LOXHD1: variants seen among roughly 807,000 people sequenced by gnomAD.
LOXHD1 encodes the protein lipoxygenase homology PLAT domains 1.
In LOXHD1, 205 loss-of-function variants were observed where a neutral mutation model predicts 248.2. That is an observed-to-expected ratio of 0.83 (90% CI 0.74 to 0.93). The LOEUF is 0.93. LOXHD1 is among the 40% of genes least tolerant of loss of function. The pLI, the probability that LOXHD1 is intolerant of heterozygous loss-of-function variation, is 0.00. For synonymous variants in LOXHD1, 1,113 were observed against 1,162.8 expected (o/e 0.96, Z 0.87); for missense variants, 2,930 against 2,971.6 (o/e 0.99, Z 0.33).
intron 12 of LOXHD1, among the ~76,000 whole-genome samples, chr18:46,585,620 C>A (rs976697736): frequency 6.6e-6 from 1 of 152,162 alleles, no homozygotes; most frequent in Non-Finnish European, 1.5e-5. Context: ...ACTCCCCAAA[C>A]TGGTCTATAG....
At chr18:46,541,278 G>C (rs1233303198) in intron 25 of LOXHD1, among the ~76,000 whole-genome samples, 1 of 152,124 alleles carries the variant, frequency 6.6e-6, no homozygotes, top group Non-Finnish European at 1.5e-5. Flanking sequence ...GGTCCAGGCT[G>C]TGTTTCCCTT....
At chr18:46,562,990 A>G in intron 18 of LOXHD1, 75 bp downstream of exon 18, 1 of 1,475,300 alleles carries the variant, frequency 6.8e-7, no homozygotes, top group Non-Finnish European at 9.1e-7. Flanking sequence ...GACTGAGGAA[A>G]TTAGTACACC....
Position 46,522,202 on chromosome 18 carries a change from T to A in LOXHD1, c.4984A>T (p.Ile1662Phe). ...TTCCCTCGGGGGTAGTCCAACCAGA[T>A]GCGCTTACTACGTTCATCATCCTCC... ...IGEDDERSKR[I>F]WLDYPRGKRG... Residue 1662 changes from isoleucine (I) to phenylalanine (F), a missense_variant, in exon 32 of 41, where the codon ATC (isoleucine) becomes TTC (phenylalanine). Transcript: ENST00000642948. 5 of 1,551,736 alleles carry A rather than the reference T, an allele frequency of 3.2e-6. No homozygotes were observed. The highest frequency in any genetic ancestry group is 4.4e-6 in the Non-Finnish European group (5 of 1,146,998).
intron 29 of LOXHD1, among the ~76,000 whole-genome samples, chr18:46,525,770 G>A (rs2035800464): frequency 6.6e-6 from 1 of 152,102 alleles, no homozygotes; most frequent in Non-Finnish European, 1.5e-5. Context: ...GATTTGCTGG[G>A]TGCAGGTGCC....
rs727503142 is a variant in LOXHD1 at position 46,546,948 on chromosome 18, C to A, written c.3461G>T (p.Gly1154Val). Reference sequence around the variant, plus strand: ...GGGGTTGTTGTCACCGCCTCCCCTACCCTCCTCGCTCTGTGGCAGCACATA... The same window carrying A: ...GGGGTTGTTGTCACCGCCTCCCCTAACCTCCTCGCTCTGTGGCAGCACATA... ...ESYVLPQSEEGRGGGDNNPLD... is the reference protein window; with the variant it reads ...ESYVLPQSEEVRGGGDNNPLD... Residue 1154 changes from glycine (G) to valine (V), a missense_variant, in exon 22 of 41, where the codon GGT (glycine) becomes GTT (valine). Transcript: ENST00000642948. The A allele has an allele frequency of 6.4e-7, 1 of 1,551,506 alleles. No individual in the cohort carries two copies. Among genetic ancestry groups the A allele is most frequent in the African/African-American group, 1.4e-5 (1 of 73,038 alleles).
chr18:46,563,722 A>G (rs1006962948), intron 17 of LOXHD1, among the ~76,000 whole-genome samples: 6 of 152,324 alleles, frequency 3.9e-5, no homozygotes, highest in Admixed American at 3.9e-4. Context: ...AAGAGTCTTT[A>G]AAGAGGTGAC....
At chr18:46,597,457 T>C (rs1482557756) in intron 8 of LOXHD1, among the ~76,000 whole-genome samples, 1 of 151,988 alleles carries the variant, frequency 6.6e-6, no homozygotes, top group Non-Finnish European at 1.5e-5. Flanking sequence ...CTTAGTAACA[T>C]AGCCTCAAAC....
At chr18:46,584,137 T>A (rs2038015724) in intron 12 of LOXHD1, among the ~76,000 whole-genome samples, 2 of 151,834 alleles carry the variant, frequency 1.3e-5, no homozygotes, top group African/African-American at 4.8e-5. Context: ...TGTGGAATAT[T>A]TTAAAAAAAA....
intron 26 of LOXHD1, among the ~76,000 whole-genome samples, chr18:46,534,782 C>T (rs1163411068): frequency 1.3e-5 from 2 of 152,314 alleles, no homozygotes; most frequent in South Asian, 2.1e-4. Flanking sequence ...GAGAACTGAA[C>T]TGGGTAGCAG....
At chr18:46,630,334 A>G (rs535279168) in intron 4 of LOXHD1, among the ~76,000 whole-genome samples, 1 of 152,310 alleles carries the variant, frequency 6.6e-6, no homozygotes, top group South Asian at 2.1e-4. Context: ...AAGCCACATG[A>G]TCATCTCAGT....
chr18:46,588,686 T>C (rs770961889), intron 12 of LOXHD1, among the ~76,000 whole-genome samples: 8 of 152,216 alleles, frequency 5.3e-5, no homozygotes, highest in Non-Finnish European at 1.5e-5. Flanking sequence ...CTTCAAGACC[T>C]GCCAGTTCCA....
intron 18 of LOXHD1, among the ~76,000 whole-genome samples, chr18:46,561,568 C>A (rs1229471533): frequency 1.3e-5 from 2 of 152,218 alleles, no homozygotes; most frequent in Non-Finnish European, 2.9e-5. Context: ...CCTGTCCCAC[C>A]AGTTCTTTCA....
intron 21 of LOXHD1, among the ~76,000 whole-genome samples, chr18:46,555,953 A>G (rs979804770): frequency 6.6e-6 from 1 of 152,084 alleles, no homozygotes; most frequent in Non-Finnish European, 1.5e-5. Context: ...TTCAGGCCCA[A>G]TCGGGCCTAC....
At chr18:46,630,564 G>C (rs1253045062) in intron 4 of LOXHD1, among the ~76,000 whole-genome samples, 3 of 152,196 alleles carry the variant, frequency 2.0e-5, no homozygotes, top group Non-Finnish European at 4.4e-5. Flanking sequence ...ATCAGGCCTT[G>C]CCTAACTCAG....
chr18:46,572,204 A>G, intron 14 of LOXHD1, 42 bp from the exon 15 acceptor site: 1 of 1,512,134 alleles, frequency 6.6e-7, no homozygotes, highest in Non-Finnish European at 9.0e-7. Flanking sequence ...TGGGTGGAGC[A>G]GGCAGACAAT....
chr18:46,631,141 G>A (rs1168479881), intron 4 of LOXHD1, among the ~76,000 whole-genome samples: 3 of 152,174 alleles, frequency 2.0e-5, no homozygotes, highest in Admixed American at 2.0e-4. Context: ...CAAGGTAGCA[G>A]CTGTGAGTAA....
intron 21 of LOXHD1, among the ~76,000 whole-genome samples, chr18:46,548,261 C>G (rs1452416521): frequency 6.9e-6 from 1 of 144,352 alleles, no homozygotes; most frequent in Non-Finnish European, 1.5e-5. Context: ...CCTTCCCCAC[C>G]CCTGCCCTGA....
chr18:46,632,285 T>C (rs1287757397), intron 4 of LOXHD1, among the ~76,000 whole-genome samples: 1 of 152,224 alleles, frequency 6.6e-6, no homozygotes, highest in East Asian at 1.9e-4. Context: ...CCTGGCACTC[T>C]GAGCCATGAT....
chr18:46,508,445 C>A (rs1454179484), intron 35 of LOXHD1, among the ~76,000 whole-genome samples: 1 of 152,100 alleles, frequency 6.6e-6, no homozygotes, highest in Non-Finnish European at 1.5e-5. Context: ...CATGATGCTG[C>A]CCCGAGCCAG....
Sources: gnomAD v4.1 joint callset for allele counts (sites outside exome capture counted in the v4.1 genomes callset) on GRCh38, gnomAD v4.1.1 for gene constraint, MANE v1.5 for transcripts, NCBI Gene and HGNC (gene_info 2026-07-23, HGNC 2026-07-21) for gene names.